MMP15: variants seen among roughly 807,000 people sequenced by gnomAD.
MMP15 encodes matrix metallopeptidase 15.
A neutral mutation model predicts 65.0 loss-of-function variants in MMP15; 36 were observed. The observed-to-expected ratio is 0.55, with a 90% CI of 0.42 to 0.73. The LOEUF (loss-of-function observed/expected upper bound fraction) is 0.73, where lower values mean the gene tolerates loss of function less well. Among genes scored for constraint, MMP15 ranks in the 30% least tolerant of loss-of-function variants. The pLI is 0.00. For synonymous variants in MMP15, 428 were observed against 410.2 expected, an observed-to-expected ratio of 1.04 and a Z score of -0.52; for missense variants, 870 against 987.8, an observed-to-expected ratio of 0.88 and a Z score of 1.60.
chr16:58,042,391 G>A, intron 7 of MMP15, 22 bp downstream of exon 7: 1 of 1,612,728 alleles, frequency 6.2e-7, no homozygotes, highest in Non-Finnish European at 8.5e-7. Flanking sequence ...TAGGGTTAGA[G>A]GGTTGGGCAC....
intron 1 of MMP15, among the ~76,000 whole-genome samples, chr16:58,035,562 T>TTAC (rs1325912807): frequency 3.3e-5 from 5 of 152,174 alleles, no homozygotes; most frequent in Admixed American, 6.5e-5. Flanking sequence ...AGCATGCACT[T>TTAC]TACGATTCCT....
At chr16:58,042,172 C>T in intron 6 of MMP15, 59 bp from the exon 7 acceptor site, 2 of 1,566,058 alleles carry the variant, frequency 1.3e-6, no homozygotes, top group African/African-American at 2.7e-5. Context: ...TTGAGGATGG[C>T]ACCTCTCCCG....
In MMP15 at chr16:58,038,390, T is replaced by C. The variant is rs2142328293; in HGVS notation, c.436T>C (p.Phe146Leu). Reference protein sequence around the residue: ...GRKWNNHHLTFSIQNYTEKLG... With the variant: ...GRKWNNHHLTLSIQNYTEKLG... ...GAAGTGGAACAACCACCATCTGACCTTTAGGTAGGGGGCTCAGCTGCCCAG... is the reference window on the plus strand; with the variant it reads ...GAAGTGGAACAACCACCATCTGACCCTTAGGTAGGGGGCTCAGCTGCCCAG... Residue 146 changes from phenylalanine to leucine, a missense_variant, in exon 3 of 10, where the codon TTT becomes CTT. Transcript: ENST00000219271. 1 of 1,613,936 alleles carries C rather than the reference T, an allele frequency of 6.2e-7. No homozygotes were observed. The highest frequency in any genetic ancestry group is 2.2e-5 in the East Asian group (1 of 44,874).
chr16:58,035,632 C>T (rs1233003782), intron 1 of MMP15, among the ~76,000 whole-genome samples: 1 of 152,156 alleles, frequency 6.6e-6, no homozygotes, highest in Non-Finnish European at 1.5e-5. Context: ...TACTGATGAC[C>T]GACAGAGATA....
Position 58,041,673 on chromosome 16 carries a change from C to T in MMP15, c.967C>T (p.Arg323Trp), listed in dbSNP as rs1048894176. The T allele has an allele frequency of 1.1e-5, 18 of 1,577,436 alleles. No homozygotes were observed. Among genetic ancestry groups the T allele is most frequent in the African/African-American group, 2.7e-5 (2 of 73,830 alleles). ...TQPLPTVTPR[R>W]PGRPDHRPPR... ...GCCTCTCCCCACTGTGACGCCACGG[C>T]GGCCAGGCCGGCCTGACCACCGGCC... is the stretch of plus-strand genomic sequence containing the variant. Residue 323 changes from arginine (R) to tryptophan (W), a missense_variant, in exon 6 of 10, where the codon CGG becomes TGG. Physicochemically the swap from Arg to Trp is moderately radical, Grantham distance 101 (BLOSUM62 -3). Transcript: ENST00000219271.
At position 58,042,254 on chromosome 16, in the gene MMP15, G is replaced by A. The variant is rs765559869; in HGVS notation, c.1188G>A (p.Arg396=). The A allele has an allele frequency of 3.4e-5, 55 of 1,613,946 alleles. No homozygotes were observed. Among genetic ancestry groups the A allele is most frequent in the Non-Finnish European group, 4.5e-5 (53 of 1,179,996 alleles). Residue 396 remains arginine, a synonymous_variant, in exon 7 of 10, where the codon CGG becomes CGA. Coordinates refer to ENST00000219271, the MANE Select transcript of MMP15 (RefSeq NM_002428.4). The stretch of plus-strand genomic sequence containing the variant: ...AGGGCCGCTGGTTCTGGCGAGTCCG[G>A]CACAACCGCGTCCTGGACAACTATC... ...VFKGRWFWRV[R]HNRVLDNYPM...
chr16:58,026,755 T>C (rs1160605760), intron 1 of MMP15, among the ~76,000 whole-genome samples: 1 of 152,192 alleles, frequency 6.6e-6, no homozygotes, highest in Non-Finnish European at 1.5e-5. Context: ...ACAGCCCTGT[T>C]CTGGGCACTG....
intron 3 of MMP15, among the ~76,000 whole-genome samples, 169 bp from the exon 4 acceptor site, chr16:58,039,706 A>G (rs1959408127): frequency 6.6e-6 from 1 of 152,280 alleles, no homozygotes; most frequent in Admixed American, 6.5e-5. Context: ...TGATATCTTC[A>G]TGATCTCCTG....
rs993538652 is a variant in MMP15, at chr16:58,026,176, G to C, written c.-175G>C. ...CCGAGCTCCCGGACCTGCCCTGCCC[G>C]CTTCTCCTCGGGCTTGGGAATTTGC... On this transcript the variant is annotated 5_prime_UTR_variant, in exon 1 of 10. Coordinates refer to ENST00000219271, the MANE Select transcript of MMP15 (RefSeq NM_002428.4). The C allele has an allele frequency of 1.6e-6, 1 of 630,942 alleles. No individual in the cohort carries two copies. Among genetic ancestry groups the C allele is most frequent in the East Asian group, 3.5e-5 (1 of 28,228 alleles). The allele number at this position is 630,942 out of a possible 1,614,324, so 39.1% of individuals were successfully genotyped here. A position where few individuals can be genotyped will look rare whatever the true frequency, so the allele number is the denominator to read the frequency against.
intron 1 of MMP15, among the ~76,000 whole-genome samples, chr16:58,030,170 G>A (rs1963875135): frequency 6.6e-6 from 1 of 152,180 alleles, no homozygotes; most frequent in South Asian, 2.1e-4. Flanking sequence ...TTCTGAGTCA[G>A]CAAAGACAGA....
rs1056511709 is a variant in MMP15, at chr16:58,046,010, C to T, written c.*564C>T. On this transcript the variant is annotated 3_prime_UTR_variant, in exon 10 of 10. Transcript: ENST00000219271. ...ATCCAGTGGACTTCGCAGTCCACTT[C>T]TGACAGCCTCAGTGACCCTGGCTCC... The T allele has an allele frequency of 6.5e-6, 1 of 153,536 alleles. No homozygotes were observed. Among genetic ancestry groups the T allele is most frequent in the South Asian group, 2.1e-4 (1 of 4,870 alleles). 9.5% of individuals were successfully genotyped at this position (153,536 alleles called of 1,614,324 possible).
At chr16:58,039,406 C>T (rs112468846) in intron 3 of MMP15, among the ~76,000 whole-genome samples, 7 of 152,274 alleles carry the variant, frequency 4.6e-5, no homozygotes, top group African/African-American at 1.2e-4. Context: ...CGCTCCAGCC[C>T]GGGTGACAGA....
At chr16:58,032,604 A>G (rs1424962932) in intron 1 of MMP15, among the ~76,000 whole-genome samples, 1 of 152,162 alleles carries the variant, frequency 6.6e-6, no homozygotes, top group Non-Finnish European at 1.5e-5. Flanking sequence ...GTGGGCCTGG[A>G]GTGTGCACTC....
Position 58,040,794 on chromosome 16 carries a change from G to A in MMP15, c.910+96G>A, listed in dbSNP as rs41516847. 793 of 1,546,884 alleles carry A rather than the reference G, an allele frequency of 5.1e-4. 3 individuals carry two copies. In the African/African-American group the frequency reaches 9.5e-3, roughly 19 times the overall value. On this transcript the variant is annotated intron_variant, in intron 5 of 9. Transcript: ENST00000219271. ...CTGCCATCCCCATTTTGTAGATGAG[G>A]AACCCAAGGCTCAGTGAGGATTAGT...
At chr16:58,038,149 C>T in intron 2 of MMP15, 117 bp from the exon 3 acceptor site, 1 of 1,363,930 alleles carries the variant, frequency 7.3e-7, no homozygotes, top group Non-Finnish European at 1.0e-6. Flanking sequence ...CCCCCATCCC[C>T]ACTGTGTCAT....
Position 58,041,763 on chromosome 16 carries a change from C to T in MMP15, c.1057C>T (p.Pro353Ser). ...AGAGCGGCCCCCAAAGCCGGGCCCCCCAGTCCAGCCCCGAGCCACAGAGCG... is the reference window on the plus strand; with the variant it reads ...AGAGCGGCCCCCAAAGCCGGGCCCCTCAGTCCAGCCCCGAGCCACAGAGCG... ...KPERPPKPGP[P>S]VQPRATERPD... The change falls in exon 6 of 10, where the codon CCA becomes TCA. Residue 353 changes from proline (P) to serine (S), a missense_variant. Coordinates refer to ENST00000219271, the MANE Select transcript of MMP15 (RefSeq NM_002428.4). 6.2e-7 allele frequency: 1 copy of T among 1,606,270 alleles called. No individual in the cohort carries two copies. The highest frequency in any genetic ancestry group is 1.7e-5 in the Admixed American group (1 of 59,226).
rs896295359 is a variant in MMP15 at position 58,028,349 on chromosome 16, C to G, written c.162+1837C>G. 3.9e-5 allele frequency among the ~76,000 whole-genome samples: 6 copies of G among 152,298 alleles called. No individual in the cohort carries two copies. The East Asian group carries it at 1.2e-3, about 29-fold the overall frequency. ...GGGAAACACTTGGGTTGGACCTGGG[C>G]AGTGACTGGAAGAGACCCCGGAAGG... On this transcript the variant is annotated intron_variant, in intron 1 of 9. Coordinates refer to ENST00000219271, the MANE Select transcript of MMP15 (RefSeq NM_002428.4).
Position 58,045,475 on chromosome 16 carries a change from AGGGG to A in MMP15, c.*31_*34del. 6.8e-7 allele frequency: 1 copy of A among 1,477,214 alleles called. No homozygotes were observed. The highest frequency in any genetic ancestry group is 1.4e-5 in the African/African-American group (1 of 71,646). 91.5% of individuals were successfully genotyped at this position (1,477,214 alleles called of 1,614,324 possible). A position where few individuals can be genotyped will look rare whatever the true frequency, so the allele number is the denominator to read the frequency against. The stretch of plus-strand genomic sequence containing the variant: ...CCCAGCGCTCCTGCTAACGGTGCTC[AGGGG>A]GCGCCTGTGGTTCTGAGATGGCTCC... On this transcript the variant is annotated 3_prime_UTR_variant, in exon 10 of 10. Transcript: ENST00000219271.
chr16:58,038,515 A>G, intron 3 of MMP15, 121 bp downstream of exon 3: 1 of 1,300,998 alleles, frequency 7.7e-7, no homozygotes, highest in Non-Finnish European at 1.1e-6. Flanking sequence ...CACGCTGATG[A>G]GACCAGCCAC....
Sources: allele counts gnomAD v4.1 joint callset (sites outside exome capture counted in the v4.1 genomes callset), GRCh38; gene constraint gnomAD v4.1.1; transcripts MANE v1.5; gene names NCBI Gene and HGNC (gene_info 2026-07-23, HGNC 2026-07-21).